CCNL1: variants seen among roughly 807,000 people sequenced by gnomAD.
The protein encoded by CCNL1 is cyclin L1, also known as cyclin-L1.
A neutral mutation model predicts 60.6 loss-of-function variants in CCNL1; 13 were observed. The ratio of observed to expected loss-of-function variants is 0.21; its 90% CI spans 0.14 to 0.34. CCNL1 has a LOEUF of 0.34. Among genes scored for constraint, CCNL1 ranks in the 10% least tolerant of loss-of-function variants. The pLI is 1.00. For missense variants in CCNL1, 481 were observed against 664.3 expected, an observed-to-expected ratio of 0.72 and a Z score of 3.03; for synonymous variants, 270 against 244.3, an observed-to-expected ratio of 1.10 and a Z score of -0.98.
At chr3:157,153,334 C>A (rs1233026271) in intron 3 of CCNL1, 178 bp from the exon 4 acceptor site, 1 of 532,140 alleles carries the variant, frequency 1.9e-6, no homozygotes, top group African/African-American at 1.9e-5. Flanking sequence ...TAAATATATA[C>A]ATCTACGAGA....
chr3:157,150,081 A>G lies in CCNL1; in HGVS notation c.863T>C (p.Leu288Pro). ...AGAGAATACCTTTTTTCTGGTATAAAGCCTAAGTGTTTCTATGCAGATTTC... is the reference window on the plus strand; with the variant it reads ...AGAGAATACCTTTTTTCTGGTATAAGGCCTAAGTGTTTCTATGCAGATTTC... ...IQEICIETLR[L>P]YTRKKPNYEL... Residue 288 changes from leucine (L) to proline (P), a missense_variant, in exon 7 of 11, where the codon CTT becomes CCT. Transcript: ENST00000295926. The G allele has an allele frequency of 6.2e-7, 1 of 1,611,022 alleles. No individual in the cohort carries two copies. Among genetic ancestry groups the G allele is most frequent in the Non-Finnish European group, 8.5e-7 (1 of 1,179,174 alleles).
chr3:157,159,273 G>A, intron 2 of CCNL1, 132 bp downstream of exon 2: 1 of 779,726 alleles, frequency 1.3e-6, no homozygotes, highest in Non-Finnish European at 2.1e-6. Flanking sequence ...TCCACTTCCT[G>A]GCGAGTGAGA....
rs540745098 is a variant in CCNL1, at chr3:157,152,702, G to C, written c.609+334C>G. The C allele has an allele frequency of 1.2e-5, 13 of 1,123,256 alleles. No homozygotes were observed. The South Asian group carries it at 2.8e-4, about 24-fold the overall frequency. The allele number at this position is 1,123,256 out of a possible 1,614,324, so 69.6% of individuals were successfully genotyped here. ...TTCTACTATGATGATAAGTGTGCCA[G>C]ATACTTTTGTAGCTACACATTTATT... On this transcript the variant is annotated intron_variant, in intron 4 of 10. Transcript: ENST00000295926.
At position 157,156,110 on chromosome 3, in the gene CCNL1, T is replaced by A. The variant is rs574555356; in HGVS notation, c.488+2756A>T. Among the ~76,000 whole-genome samples, 4 of 152,336 alleles carry A rather than the reference T, an allele frequency of 2.6e-5. No homozygotes were observed. In the South Asian group the frequency reaches 8.3e-4, roughly 32 times the overall value. On this transcript the variant is annotated intron_variant, in intron 3 of 10. Transcript: ENST00000295926. Reference sequence around the variant, plus strand: ...TTACAAAGTCCAAACATGGTTAGTTTCATTTATGTGTTACAAAGACTGAGA... The same window carrying A: ...TTACAAAGTCCAAACATGGTTAGTTACATTTATGTGTTACAAAGACTGAGA...
At chr3:157,146,747 C>T, downstream of CCNL1, 1 of 313,396 alleles carries the variant, frequency 3.2e-6, no homozygotes, top group Non-Finnish European at 6.3e-6. Context: ...AAGCAGTTAG[C>T]TTTTCAGAAA....
Position 157,147,747 on chromosome 3 carries a change from T to G in CCNL1, c.*494A>C, listed in dbSNP as rs547860306. The G allele has an allele frequency of 2.0e-6, 2 of 984,058 alleles. No homozygotes were observed. The allele number at this position is 984,058 out of a possible 1,614,324, so 61.0% of individuals were successfully genotyped here. A position where few individuals can be genotyped will look rare whatever the true frequency, so the allele number is the denominator to read the frequency against. ...GAAAACCAGTACAGCCATTTTGCTA[T>G]TAAAATTTTCCTTTTTAATAATTTA... On this transcript the variant is annotated 3_prime_UTR_variant, in exon 11 of 11. Coordinates refer to ENST00000295926, the MANE Select transcript of CCNL1 (RefSeq NM_020307.4).
downstream of CCNL1, among the ~76,000 whole-genome samples, chr3:157,146,843 T>C (rs940417517): frequency 6.6e-6 from 1 of 152,234 alleles, no homozygotes; most frequent in African/African-American, 2.4e-5. Context: ...AAGCATGAAG[T>C]GGCTAACTTT....
chr3:157,143,677 A>G (rs545857785), downstream of CCNL1, among the ~76,000 whole-genome samples: 5 of 152,306 alleles, frequency 3.3e-5, no homozygotes, highest in East Asian at 9.7e-4. Flanking sequence ...AGAATATGAT[A>G]GAGGTGTTTA....
At position 157,157,427 on chromosome 3, in the gene CCNL1, T is replaced by C. The variant is rs540059796; in HGVS notation, c.488+1439A>G. Among the ~76,000 whole-genome samples the C allele has an allele frequency of 6.1e-4, 93 of 152,352 alleles. 1 individual carries two copies. Among genetic ancestry groups the C allele is most frequent in the African/African-American group, 2.1e-3 (89 of 41,580 alleles). On this transcript the variant is annotated intron_variant, in intron 3 of 10. Coordinates refer to ENST00000295926, the MANE Select transcript of CCNL1 (RefSeq NM_020307.4). ...AGGAAAATTCCACAGAAGATAATCA[T>C]GTGATTACATAATAGTTGGCTCAAT...
rs546060937 is a variant in CCNL1, at chr3:157,148,404, C to G, written c.1418G>C (p.Arg473Pro). 5.0e-6 allele frequency: 8 copies of G among 1,614,110 alleles called. No homozygotes were observed. The highest frequency in any genetic ancestry group is 3.3e-5 in the Admixed American group (2 of 60,014). Residue 473 changes from arginine to proline, a missense_variant, in exon 11 of 11, where the codon CGA becomes CCA. Arg to Pro is a moderately radical substitution (Grantham distance 103). Coordinates refer to ENST00000295926, the MANE Select transcript of CCNL1 (RefSeq NM_020307.4). Reference protein sequence around the residue: ...HGHKRKKSRSRSQSKSRDHSD... With the variant: ...HGHKRKKSRSPSQSKSRDHSD... Reference sequence around the variant, plus strand: ...GTGATCCCGAGACTTGCTCTGAGATCGAGAACGAGATTTTTTCCTTTTATG... The same window carrying G: ...GTGATCCCGAGACTTGCTCTGAGATGGAGAACGAGATTTTTTCCTTTTATG...
Position 157,150,514 on chromosome 3 carries a change from T to C in CCNL1, c.675-133A>G, listed in dbSNP as rs1577070422. ...ATATTCACATCCTCATATTCTAGCA[T>C]ATAACAACTCTTAACTCAAAAAAAT... On this transcript the variant is annotated intron_variant, in intron 5 of 10. Coordinates refer to ENST00000295926, the MANE Select transcript of CCNL1 (RefSeq NM_020307.4). The C allele has an allele frequency of 1.1e-5, 15 of 1,416,928 alleles. No individual in the cohort carries two copies. The East Asian group carries it at 3.3e-4, about 31-fold the overall frequency. 87.8% of individuals were successfully genotyped at this position (1,416,928 alleles called of 1,614,324 possible).
intron 5 of CCNL1, chr3:157,150,658 A>G (rs577136905): frequency 9.7e-6 from 11 of 1,129,930 alleles, no homozygotes; most frequent in Non-Finnish European, 1.2e-5. Flanking sequence ...AAAAGTTAAT[A>G]TATTTCTGTA....
Position 157,153,141 on chromosome 3 carries a change from CA to C in CCNL1, c.503del (p.Leu168ArgfsTer22). ...TGTTAATGTAGTTCTGATCAAGGATCAGGGGGCTTGGAGTCCTATAGTTTGT... is the reference window on the plus strand; with the variant it reads ...TGTTAATGTAGTTCTGATCAAGGATCGGGGGCTTGGAGTCCTATAGTTTGT... ...QLRGKRTPSP[L>X]ILDQNYINTK... is the part of the protein sequence containing the mutation. On this transcript the variant is annotated frameshift_variant, in exon 4 of 11. Transcript: ENST00000295926. LOFTEE classifies it high-confidence loss of function. 2.5e-6 allele frequency: 4 copies of C among 1,612,802 alleles called. No individual in the cohort carries two copies. Among genetic ancestry groups the C allele is most frequent in the Non-Finnish European group, 3.4e-6 (4 of 1,179,420 alleles).
Position 157,150,130 on chromosome 3 carries a change from C to G in CCNL1, c.814G>C (p.Gly272Arg). Reference sequence around the variant, plus strand: ...TCCTGGATTTCCTCTTCTGTAGTACCAAAAAGAAGAAACCAATGGGGACGA... The same window carrying G: ...TCCTGGATTTCCTCTTCTGTAGTACGAAAAAGAAGAAACCAATGGGGACGA... ...PTRPHWFLLF[G>R]TTEEEIQEIC... Residue 272 changes from glycine to arginine, a missense_variant, in exon 7 of 11, where the codon GGT (glycine) becomes CGT (arginine). Coordinates refer to ENST00000295926, the MANE Select transcript of CCNL1 (RefSeq NM_020307.4). The G allele has an allele frequency of 1.2e-6, 2 of 1,612,720 alleles. No individual in the cohort carries two copies. The highest frequency in any genetic ancestry group is 1.7e-6 in the Non-Finnish European group (2 of 1,179,648).
downstream of CCNL1, among the ~76,000 whole-genome samples, chr3:157,144,140 GA>G (rs1737717139): frequency 6.6e-6 from 1 of 152,172 alleles, no homozygotes; most frequent in African/African-American, 2.4e-5. Flanking sequence ...GCAGAAGGGA[GA>G]AGAGGACACC....
At chr3:157,154,259 T>C (rs1209491156) in intron 3 of CCNL1, 1 of 152,348 alleles carries the variant, frequency 6.6e-6, no homozygotes, top group East Asian at 1.9e-4. Context: ...GTTAAGGAAT[T>C]GGGCTTTTGT....
At chr3:157,159,018 C>T in intron 2 of CCNL1, 43 bp from the exon 3 acceptor site, 1 of 1,308,048 alleles carries the variant, frequency 7.6e-7, no homozygotes, top group Non-Finnish European at 1.1e-6. Context: ...TTAGATTAAA[C>T]TCACTTTGAA....
At chr3:157,159,238 G>T (rs1390672818) in intron 2 of CCNL1, 167 bp downstream of exon 2, 6 of 677,156 alleles carry the variant, frequency 8.9e-6, no homozygotes, top group Non-Finnish European at 1.5e-5. Context: ...GCTCGTGATC[G>T]ATTTTGAACC....
intron 4 of CCNL1, 76 bp from the exon 5 acceptor site, chr3:157,152,317 T>C (rs1253038383): frequency 9.4e-5 from 147 of 1,556,876 alleles, no homozygotes; most frequent in Non-Finnish European, 1.2e-4. Flanking sequence ...AAAAAAGTAA[T>C]TGAAAATGTT....
Sources: allele counts gnomAD v4.1 joint callset (sites outside exome capture counted in the v4.1 genomes callset), GRCh38; gene constraint gnomAD v4.1.1; transcripts MANE v1.5; gene names NCBI Gene and HGNC (gene_info 2026-07-23, HGNC 2026-07-21).